Variants in GLRX2 observed in about 807,000 individuals in gnomAD.
GLRX2 encodes bA101E13.1 (GRX2 glutaredoxin (thioltransferase) 2).
GLRX2 carries 12 observed loss-of-function variants against 16.4 expected under a neutral mutation model. That is an observed-to-expected ratio of 0.73 (90% confidence interval 0.47 to 1.19). The LOEUF (loss-of-function observed/expected upper bound fraction) is 1.19, where lower values mean the gene tolerates loss of function less well. Ranked by LOEUF, GLRX2 falls within the 50% of genes most tolerant of loss-of-function variation. The pLI, the probability that GLRX2 is intolerant of heterozygous loss-of-function variation, is 0.00. For synonymous variants in GLRX2, 95 were observed against 76.2 expected, an observed-to-expected ratio of 1.25 and a Z score of -1.28; for missense variants, 201 against 201.8, an observed-to-expected ratio of 1.00 and a Z score of 0.02.
intron 2 of GLRX2, 141 bp from the exon 3 acceptor site, chr1:193,097,901 C>T (rs1474549922): frequency 7.6e-6 from 4 of 524,454 alleles, no homozygotes; most frequent in Non-Finnish European, 1.3e-5. Flanking sequence ...TTCTCATCTG[C>T]AGATTGAGGA....
rs746143708 is a variant in GLRX2 at position 193,097,739 on chromosome 1, C to A, written c.205G>T (p.Val69Leu). The A allele has an allele frequency of 5.9e-5, 94 of 1,586,808 alleles. No homozygotes were observed. The South Asian group carries it at 8.0e-4, about 14-fold the overall frequency. ...QIQETISDNC[V>L]VIFSKTSCSY... Reference sequence around the variant, plus strand: ...CAGGATGTTTTTGAGAAAATCACCACACAATTATCAGAAATTGTTTCCTGA... The same window carrying A: ...CAGGATGTTTTTGAGAAAATCACCAAACAATTATCAGAAATTGTTTCCTGA... Residue 69 changes from valine (V) to leucine (L), a missense_variant, in exon 3 of 4, where the codon GTG becomes TTG. Coordinates refer to ENST00000367439, the MANE Select transcript of GLRX2 (RefSeq NM_197962.3).
chr1:193,101,142 T>C lies in GLRX2; in HGVS notation c.182A>G (p.Gln61Arg), dbSNP rs757834151. Residue 61 changes from glutamine (Q) to arginine (R), a missense_variant and splice_region_variant, in exon 2 of 4, where the codon CAA (glutamine) becomes CGA (arginine). By Grantham distance (43) the Gln-to-Arg change is conservative. Coordinates refer to ENST00000367439, the MANE Select transcript of GLRX2 (RefSeq NM_197962.3). ...TCAATCATCTCCCACATCACTCACTTGGATCTGGTTCACAGGCGCCGTCGC... is the reference window on the plus strand; with the variant it reads ...TCAATCATCTCCCACATCACTCACTCGGATCTGGTTCACAGGCGCCGTCGC... The part of the protein sequence containing the change: ...NLATAPVNQI[Q>R]ETISDNCVVI... 3.7e-6 allele frequency: 6 copies of C among 1,603,816 alleles called. No homozygotes were observed. The highest frequency in any genetic ancestry group is 5.1e-6 in the Non-Finnish European group (6 of 1,170,768).
At chr1:193,101,044 A>G in intron 2 of GLRX2, 97 bp downstream of exon 2, 1 of 790,944 alleles carries the variant, frequency 1.3e-6, no homozygotes, top group South Asian at 1.4e-5. Flanking sequence ...TTGCTAAACT[A>G]TCTCAAGTTT....
chr1:193,099,935 C>T (rs1208826244), intron 2 of GLRX2, among the ~76,000 whole-genome samples: 3 of 152,156 alleles, frequency 2.0e-5, no homozygotes, highest in African/African-American at 7.2e-5. Context: ...TTTGACTCAA[C>T]CTTGTCACAA....
At position 193,096,603 on chromosome 1, in the gene GLRX2, A is replaced by G. The variant is rs1674963583; in HGVS notation, c.*22T>C. The G allele has an allele frequency of 2.8e-6, 4 of 1,451,950 alleles. No homozygotes were observed. The South Asian group carries it at 3.6e-5, about 13-fold the overall frequency. The allele number at this position is 1,451,950 out of a possible 1,614,324, so 89.9% of individuals were successfully genotyped here. ...CACTTTAAATAACTGACACTGTACT[A>G]GCAAACTTATTAGTATAAACATCAC... is the stretch of plus-strand genomic sequence containing the variant. On this transcript the variant is annotated 3_prime_UTR_variant, in exon 4 of 4. Transcript: ENST00000367439.
intron 1 of GLRX2, among the ~76,000 whole-genome samples, chr1:193,101,946 T>G (rs1372675767): frequency 6.6e-6 from 1 of 152,128 alleles, no homozygotes; most frequent in African/African-American, 2.4e-5. Context: ...TCATCAAATC[T>G]TTTTATCCCT....
intron 2 of GLRX2, among the ~76,000 whole-genome samples, chr1:193,100,658 G>C (rs1376907622): frequency 6.6e-6 from 1 of 151,120 alleles, no homozygotes; most frequent in Non-Finnish European, 1.5e-5. Context: ...ACATGTAAGA[G>C]AGATTTTCTA....
At chr1:193,100,434 A>T (rs952466368) in intron 2 of GLRX2, among the ~76,000 whole-genome samples, 8 of 152,186 alleles carry the variant, frequency 5.3e-5, no homozygotes, top group African/African-American at 1.9e-4. Context: ...AGATCGCACC[A>T]CTGCACTCTG....
chr1:193,105,988 CAAAAA>C (rs3079948), upstream of GLRX2: 9 of 902,438 alleles, frequency 1.0e-5, no homozygotes, highest in Non-Finnish European at 1.2e-5. Context: ...CACCACCTGC[CAAAAA>C]AAAAAAATTA....
intron 1 of GLRX2, 143 bp downstream of exon 1, chr1:193,105,121 C>A (rs1027887536): frequency 4.7e-6 from 6 of 1,275,054 alleles, no homozygotes; most frequent in Admixed American, 7.4e-5. Context: ...AGCGCCTCTG[C>A]GTGTTATGAC....
intron 1 of GLRX2, among the ~76,000 whole-genome samples, chr1:193,103,648 A>C (rs1053542526): frequency 3.3e-5 from 5 of 152,208 alleles, no homozygotes; most frequent in African/African-American, 1.2e-4. Context: ...CGATTATGAT[A>C]TCAGCTCACC....
At position 193,105,308 on chromosome 1, in the gene GLRX2, G is replaced by A. The variant is rs766750885; in HGVS notation, c.75C>T (p.Asp25=). 5.3e-4 allele frequency: 811 copies of A among 1,534,462 alleles called. 1 individual carries two copies. Among genetic ancestry groups the A allele is most frequent in the Non-Finnish European group, 6.7e-4 (766 of 1,149,998 alleles). ...CAGCTCCCGCAGCTCCCGCCGCCCTGTCAAGCCAGCCTGCCGAGCCGCTCC... is the reference window on the plus strand; with the variant it reads ...CAGCTCCCGCAGCTCCCGCCGCCCTATCAAGCCAGCCTGCCGAGCCGCTCC... ...WSRSGSAGWL[D]RAAGAAGAAA... The change falls in exon 1 of 4, where the codon GAC becomes GAT. Residue 25 remains aspartate (D), a synonymous_variant. Coordinates refer to ENST00000367439, the MANE Select transcript of GLRX2 (RefSeq NM_197962.3).
At chr1:193,102,802 C>T (rs34615282) in intron 1 of GLRX2, among the ~76,000 whole-genome samples, 3,204 of 152,230 alleles carry the variant, frequency 0.021, 109 homozygotes, top group African/African-American at 0.074. Flanking sequence ...AAAAACATTA[C>T]ATGGAAAATT....
At chr1:193,097,514 G>A (rs1674983505) in intron 3 of GLRX2, 70 bp downstream of exon 3, 1 of 1,181,852 alleles carries the variant, frequency 8.5e-7, no homozygotes, top group African/African-American at 1.6e-5. Context: ...CCTAACACAA[G>A]GTTCTAGGCT....
chr1:193,104,104 AG>A (rs768942215), intron 1 of GLRX2, among the ~76,000 whole-genome samples: 1 of 152,206 alleles, frequency 6.6e-6, no homozygotes, highest in Non-Finnish European at 1.5e-5. Context: ...TTACTACTGA[AG>A]GAGCTCCAAT....
chr1:193,101,508 C>T (rs1399457291), intron 1 of GLRX2, among the ~76,000 whole-genome samples: 2 of 152,206 alleles, frequency 1.3e-5, no homozygotes, highest in Non-Finnish European at 2.9e-5. Context: ...AATATTCCAT[C>T]CTATGCCATA....
chr1:193,105,560 G>T, upstream of GLRX2: 1 of 1,603,072 alleles, frequency 6.2e-7, no homozygotes, highest in Non-Finnish European at 8.5e-7. Flanking sequence ...CCCGAGCGCT[G>T]GATTCCAGCG....
chr1:193,105,872 G>T (rs187862326), upstream of GLRX2: 455 of 1,190,528 alleles, frequency 3.8e-4, 1 homozygote, highest in Non-Finnish European at 3.0e-4. Flanking sequence ...TTAGGCAATT[G>T]GTCGAGACCC....
At chr1:193,105,508 G>C (rs374740662), upstream of GLRX2, 2 of 1,449,178 alleles carry the variant, frequency 1.4e-6, no homozygotes, top group South Asian at 1.2e-5. Flanking sequence ...CCGCGCCGCC[G>C]CCGGTCACCT....
Sources: allele counts gnomAD v4.1 joint callset (sites outside exome capture counted in the v4.1 genomes callset), GRCh38; gene constraint gnomAD v4.1.1; transcripts MANE v1.5; gene names NCBI Gene and HGNC (gene_info 2026-07-23, HGNC 2026-07-21).